Variants in IL1RAP observed in about 807,000 individuals in gnomAD.
IL1RAP encodes the protein interleukin-1 receptor accessory protein.
IL1RAP carries 35 observed loss-of-function variants against 60.7 expected under a neutral mutation model. The observed-to-expected ratio is 0.58, with a 90% confidence interval of 0.44 to 0.76. The LOEUF (loss-of-function observed/expected upper bound fraction) is 0.76. Among genes scored for constraint, IL1RAP ranks in the 30% least tolerant of loss-of-function variants. The pLI, the probability that IL1RAP is intolerant of heterozygous loss-of-function variation, is 0.00. For synonymous variants in IL1RAP, 268 were observed against 250.9 expected (o/e 1.07, Z -0.64); for missense variants, 572 against 693.9 (o/e 0.82, Z 1.97).
intron 3 of IL1RAP, among the ~76,000 whole-genome samples, chr3:190,595,602 C>T (rs1327334600): frequency 6.6e-6 from 1 of 152,138 alleles, no homozygotes; most frequent in African/African-American, 2.4e-5. Flanking sequence ...TCCTGTTTGA[C>T]TTAGTCTCTA....
chr3:190,572,425 G>C (rs578168418), intron 3 of IL1RAP, among the ~76,000 whole-genome samples: 1 of 150,634 alleles, frequency 6.6e-6, no homozygotes, highest in South Asian at 2.1e-4. Context: ...GAGAAAAGAG[G>C]AATAATGAGG....
intron 1 of IL1RAP, among the ~76,000 whole-genome samples, chr3:190,554,250 G>A (rs1421624953): frequency 6.6e-6 from 1 of 151,838 alleles, no homozygotes; most frequent in Non-Finnish European, 1.5e-5. Flanking sequence ...GAGAAAAATG[G>A]AATTTATTGG....
At chr3:190,580,184 T>A (rs961857513) in intron 3 of IL1RAP, among the ~76,000 whole-genome samples, 2 of 152,214 alleles carry the variant, frequency 1.3e-5, no homozygotes, top group Admixed American at 1.3e-4. Flanking sequence ...ATTGTAAATG[T>A]CTTTTTGAAG....
chr3:190,525,336 G>C (rs1049305024), intron 1 of IL1RAP, among the ~76,000 whole-genome samples: 1 of 152,174 alleles, frequency 6.6e-6, no homozygotes, highest in Non-Finnish European at 1.5e-5. Flanking sequence ...AGCCTGAGAA[G>C]GACCCACGAT....
At chr3:190,647,517 C>T (rs964180867) in intron 11 of IL1RAP, among the ~76,000 whole-genome samples, 1 of 152,096 alleles carries the variant, frequency 6.6e-6, no homozygotes, top group African/African-American at 2.4e-5. Flanking sequence ...ATGGCATTTC[C>T]AGTTTTCCTG....
At chr3:190,606,409 A>G (rs1025753857) in intron 4 of IL1RAP, among the ~76,000 whole-genome samples, 1 of 152,188 alleles carries the variant, frequency 6.6e-6, no homozygotes, top group African/African-American at 2.4e-5. Flanking sequence ...TACATGCTTG[A>G]TGAGCTCCTT....
At chr3:190,523,644 T>C (rs965804259) in intron 1 of IL1RAP, among the ~76,000 whole-genome samples, 2 of 152,170 alleles carry the variant, frequency 1.3e-5, no homozygotes, top group Non-Finnish European at 2.9e-5. Context: ...CTCTCTTAGT[T>C]TGCTAAGGAT....
At chr3:190,515,185 A>G (rs1721402385) in intron 1 of IL1RAP, among the ~76,000 whole-genome samples, 1 of 151,630 alleles carries the variant, frequency 6.6e-6, no homozygotes, top group African/African-American at 2.4e-5. Flanking sequence ...AACTTGGGCA[A>G]GTTATCTCAC....
chr3:190,583,505 A>T (rs1460591251), intron 3 of IL1RAP, among the ~76,000 whole-genome samples: 1 of 152,352 alleles, frequency 6.6e-6, no homozygotes, highest in East Asian at 1.9e-4. Flanking sequence ...AATATCCACC[A>T]AACTCTGTGT....
At chr3:190,554,204 C>T (rs1725189892) in intron 1 of IL1RAP, among the ~76,000 whole-genome samples, 1 of 151,782 alleles carries the variant, frequency 6.6e-6, no homozygotes. Flanking sequence ...TGTTACACAA[C>T]CAGGAAAGAT....
chr3:190,659,358 T>C (rs1260650268), exon 12 of IL1RAP: 1 of 152,146 alleles, frequency 6.6e-6, no homozygotes, highest in Non-Finnish European at 1.5e-5. Flanking sequence ...GTGGAAGCAG[T>C]AAAAGTCTTA....
At chr3:190,586,089 T>A (rs1360771531) in intron 3 of IL1RAP, among the ~76,000 whole-genome samples, 12 of 152,182 alleles carry the variant, frequency 7.9e-5, no homozygotes, top group Admixed American at 7.9e-4. Context: ...TTAAATCAGA[T>A]GCCATCTCTT....
At chr3:190,593,637 G>A (rs781439689) in intron 3 of IL1RAP, among the ~76,000 whole-genome samples, 3 of 151,902 alleles carry the variant, frequency 2.0e-5, no homozygotes, top group African/African-American at 4.8e-5. Context: ...GTGTGCAGGG[G>A]TACTCTCCTT....
At chr3:190,637,650 G>C (rs1314223781) in intron 9 of IL1RAP, among the ~76,000 whole-genome samples, 1 of 151,954 alleles carries the variant, frequency 6.6e-6, no homozygotes, top group African/African-American at 2.4e-5. Flanking sequence ...CATAATTCAA[G>C]TGTACCATTT....
intron 1 of IL1RAP, among the ~76,000 whole-genome samples, chr3:190,522,323 TTCCTTC>T (rs1242332685): frequency 6.7e-6 from 1 of 148,430 alleles, no homozygotes; most frequent in African/African-American, 2.6e-5. Context: ...CCTTCCTTCC[TTCCTTC>T]CTTCCTTCCT....
chr3:190,640,999 C>G (rs1733620471), intron 9 of IL1RAP, among the ~76,000 whole-genome samples: 1 of 152,000 alleles, frequency 6.6e-6, no homozygotes, highest in Non-Finnish European at 1.5e-5. Context: ...GAGTTTTGCT[C>G]TTGTTGCCAA....
intron 1 of IL1RAP, among the ~76,000 whole-genome samples, chr3:190,554,162 A>G (rs969093464): frequency 6.6e-6 from 1 of 152,052 alleles, no homozygotes; most frequent in African/African-American, 2.4e-5. Context: ...CTGGGCACCA[A>G]AGATGTTGTA....
At chr3:190,647,565 G>A (rs73062293) in intron 11 of IL1RAP, among the ~76,000 whole-genome samples, 18,883 of 152,146 alleles carry the variant, frequency 0.12, 1,897 homozygotes, top group East Asian at 0.28. Flanking sequence ...GCATTTGCCT[G>A]TTAGTGCAAG....
At chr3:190,620,492 A>G (rs532574522) in intron 6 of IL1RAP, 52 bp downstream of exon 6, 79 of 1,450,590 alleles carry the variant, frequency 5.4e-5, no homozygotes, top group Admixed American at 1.3e-4. Flanking sequence ...TCATCTTGTT[A>G]TGGTTTTTAA....
Sources: allele counts gnomAD v4.1 joint callset (sites outside exome capture counted in the v4.1 genomes callset), GRCh38; gene constraint gnomAD v4.1.1; transcripts MANE v1.5; gene names NCBI Gene and HGNC (gene_info 2026-07-23, HGNC 2026-07-21).